DNAJB14: variants seen among roughly 807,000 people sequenced by gnomAD.
DNAJB14 encodes the protein DnaJ heat shock protein family (Hsp40) member B14.
DNAJB14 carries 22 observed loss-of-function variants against 48.4 expected under a neutral mutation model. That is an observed-to-expected ratio of 0.45 (90% CI 0.32 to 0.65). DNAJB14 has a LOEUF of 0.65. Among genes scored for constraint, DNAJB14 ranks in the 30% least tolerant of loss-of-function variants. DNAJB14 has a pLI of 0.03. For missense variants in DNAJB14, 319 were observed against 458.8 expected, an observed-to-expected ratio of 0.70 and a Z score of 2.78; for synonymous variants, 142 against 158.7, an observed-to-expected ratio of 0.89 and a Z score of 0.79.
At position 99,896,749 on chromosome 4, in the gene DNAJB14, A is replaced by G. The variant is rs1406035058; in HGVS notation, c.*4279T>C. On this transcript the variant is annotated 3_prime_UTR_variant, in exon 8 of 8. Coordinates refer to ENST00000442697, the MANE Select transcript of DNAJB14 (RefSeq NM_001031723.4). Reference sequence around the variant, plus strand: ...TTACAATACTCCAATGTCACTGAAAATCTCTATGATTTTAATGGTGTCCTT... The same window carrying G: ...TTACAATACTCCAATGTCACTGAAAGTCTCTATGATTTTAATGGTGTCCTT... The G allele has an allele frequency of 6.6e-6, 1 of 152,116 alleles. No individual in the cohort carries two copies. Among genetic ancestry groups the G allele is most frequent in the Non-Finnish European group, 1.5e-5 (1 of 67,972 alleles). 9.4% of individuals were successfully genotyped at this position (152,116 alleles called of 1,614,324 possible).
Position 99,898,603 on chromosome 4 carries a change from AGG to A in DNAJB14, c.*2423_*2424del, listed in dbSNP as rs1267400062. On this transcript the variant is annotated 3_prime_UTR_variant, in exon 8 of 8. Coordinates refer to ENST00000442697, the MANE Select transcript of DNAJB14 (RefSeq NM_001031723.4). ...TGGGTGTATTTGTGTTTACACAAAA[AGG>A]GGTAAAAATGTAAAGCATTAATAAA... The A allele has an allele frequency of 1.3e-5, 2 of 151,936 alleles. No individual in the cohort carries two copies. Among genetic ancestry groups the A allele is most frequent in the Non-Finnish European group, 2.9e-5 (2 of 67,816 alleles). 9.4% of individuals were successfully genotyped at this position (151,936 alleles called of 1,614,324 possible). A position where few individuals can be genotyped will look rare whatever the true frequency, so the allele number is the denominator to read the frequency against.
Position 99,933,174 on chromosome 4 carries a change from G to A in DNAJB14, c.134-2553C>T, listed in dbSNP as rs1023074600. Among the ~76,000 whole-genome samples the A allele has an allele frequency of 1.1e-4, 16 of 151,088 alleles. No individual in the cohort carries two copies. In the South Asian group the frequency reaches 2.5e-3, roughly 24 times the overall value. On this transcript the variant is annotated intron_variant, in intron 1 of 7. Coordinates refer to ENST00000442697, the MANE Select transcript of DNAJB14 (RefSeq NM_001031723.4). ...TGTGAATTATGTCTCAATAAAGCAT[G>A]TATATATATATACACACACTCTCAA...
rs576044081 is a variant in DNAJB14 at position 99,923,834 on chromosome 4, C to T, written c.306-649G>A. On this transcript the variant is annotated intron_variant, in intron 2 of 7. Coordinates refer to ENST00000442697, the MANE Select transcript of DNAJB14 (RefSeq NM_001031723.4). ...GATTATAGGCATAAACCACTGCACC[C>T]GGCCATCCCCGTTATGCCAAAGATA... The T allele has an allele frequency of 2.2e-5, 22 of 984,366 alleles. 1 individual carries two copies. In the South Asian group the frequency reaches 2.8e-4, roughly 13 times the overall value. The allele number at this position is 984,366 out of a possible 1,614,324, so 61.0% of individuals were successfully genotyped here. A position where few individuals can be genotyped will look rare whatever the true frequency, so the allele number is the denominator to read the frequency against.
At chr4:99,933,973 A>C (rs1321441728) in intron 1 of DNAJB14, among the ~76,000 whole-genome samples, 1 of 152,184 alleles carries the variant, frequency 6.6e-6, no homozygotes, top group East Asian at 1.9e-4. Flanking sequence ...TGTAAAAAGG[A>C]ATGAGTTTTG....
At position 99,946,539 on chromosome 4, in the gene DNAJB14, A is replaced by G. The variant is rs1435929735; in HGVS notation, c.33T>C (p.Cys11=). Residue 11 remains cysteine (C), a synonymous_variant, in exon 1 of 8, where the codon TGT becomes TGC. Coordinates refer to ENST00000442697, the MANE Select transcript of DNAJB14 (RefSeq NM_001031723.4). The stretch of plus-strand genomic sequence containing the variant: ...TCAGGGCCTCCCGGGCGATCTCGAC[A>G]CATTTCTCAGCCTCATCCCTGTTCC... MEGNRDEAEK[C]VEIAREALNA... The G allele has an allele frequency of 6.2e-7, 1 of 1,613,772 alleles. No homozygotes were observed. Among genetic ancestry groups the G allele is most frequent in the Non-Finnish European group, 8.5e-7 (1 of 1,179,758 alleles).
intron 3 of DNAJB14, among the ~76,000 whole-genome samples, chr4:99,921,391 CG>C (rs1489227841): frequency 6.6e-6 from 1 of 152,152 alleles, no homozygotes; most frequent in Non-Finnish European, 1.5e-5. Context: ...GAGTGTCTAG[CG>C]GGCTTCCTTA....
rs115945915 is a variant in DNAJB14 at position 99,910,969 on chromosome 4, T to C, written c.452-2073A>G. On this transcript the variant is annotated intron_variant, in intron 3 of 7. Transcript: ENST00000442697. ...GATATTGACACTGATATAGTCAGGA[T>C]ATAGAACATTTCTAACACCACTCTC... is the stretch of plus-strand genomic sequence containing the variant. Among the ~76,000 whole-genome samples the C allele has an allele frequency of 2.0e-3, 302 of 152,188 alleles. 1 individual carries two copies. Among genetic ancestry groups the C allele is most frequent in the African/African-American group, 7.1e-3 (294 of 41,560 alleles).
intron 7 of DNAJB14, among the ~76,000 whole-genome samples, chr4:99,902,626 A>G (rs1027764949): frequency 6.6e-6 from 1 of 150,838 alleles, no homozygotes; most frequent in Non-Finnish European, 1.5e-5. Flanking sequence ...GGAGATGATG[A>G]TAATTGCTGA....
intron 3 of DNAJB14, among the ~76,000 whole-genome samples, chr4:99,909,310 G>A (rs1463345344): frequency 6.6e-6 from 1 of 151,964 alleles, no homozygotes; most frequent in African/African-American, 2.4e-5. Context: ...ACAAATGAGG[G>A]CCCTGAAATT....
chr4:99,923,424 T>C (rs1726132421), intron 2 of DNAJB14, among the ~76,000 whole-genome samples: 1 of 152,128 alleles, frequency 6.6e-6, no homozygotes, highest in Admixed American at 6.6e-5. Flanking sequence ...CTTAGTGTAA[T>C]GTATCACAAC....
rs1002795808 is a variant in DNAJB14, at chr4:99,899,188, T to C, written c.*1840A>G. 1 of 151,876 alleles carries C rather than the reference T, an allele frequency of 6.6e-6. No homozygotes were observed. The highest frequency in any genetic ancestry group is 6.6e-5 in the Admixed American group (1 of 15,242). The allele number at this position is 151,876 out of a possible 1,614,324, so 9.4% of individuals were successfully genotyped here. ...AAGAATCAGTCAACAAGAAGGTAAG[T>C]TCACAGAATTATCAGCCATAATAGT... On this transcript the variant is annotated 3_prime_UTR_variant, in exon 8 of 8. Coordinates refer to ENST00000442697, the MANE Select transcript of DNAJB14 (RefSeq NM_001031723.4).
chr4:99,908,934 T>C lies in DNAJB14; in HGVS notation c.452-38A>G, dbSNP rs766751831. The C allele has an allele frequency of 3.5e-6, 5 of 1,426,480 alleles. No individual in the cohort carries two copies. The African/African-American group carries it at 7.3e-5, about 21-fold the overall frequency. The allele number at this position is 1,426,480 out of a possible 1,614,324, so 88.4% of individuals were successfully genotyped here. A position where few individuals can be genotyped will look rare whatever the true frequency, so the allele number is the denominator to read the frequency against. On this transcript the variant is annotated intron_variant, in intron 3 of 7. Transcript: ENST00000442697. The stretch of plus-strand genomic sequence containing the variant: ...TGAGTAAAAGTTGGTAAGCAAAGTT[T>C]TTATATTATAAAAGGCTGCCCCACA...
intron 6 of DNAJB14, among the ~76,000 whole-genome samples, chr4:99,904,189 C>T (rs1725389249): frequency 1.3e-5 from 2 of 152,120 alleles, no homozygotes; most frequent in African/African-American, 2.4e-5. Flanking sequence ...AGTTGTTTGT[C>T]GTTGCTATTG....
intron 2 of DNAJB14, chr4:99,926,255 A>C (rs1726249305): frequency 6.6e-6 from 1 of 152,174 alleles, no homozygotes; most frequent in Non-Finnish European, 1.5e-5. Context: ...TCTAGATCAC[A>C]GATTCTTTGA....
rs59597113 is a variant in DNAJB14, at chr4:99,938,097, C to CAAAAAAA, written c.134-7483_134-7477dup. On this transcript the variant is annotated intron_variant, in intron 1 of 7. Coordinates refer to ENST00000442697, the MANE Select transcript of DNAJB14 (RefSeq NM_001031723.4). ...ACATGGCGAAACCATGTTAAAAATACAAAAAAAAAAAAAAAAAAAAAAAAA... is the reference window on the plus strand; with the variant it reads ...ACATGGCGAAACCATGTTAAAAATACAAAAAAAAAAAAAAAAAAAAAAAAAAAAAAAA... Among the ~76,000 whole-genome samples, 14 of 40,978 alleles carry CAAAAAAA rather than the reference C, an allele frequency of 3.4e-4. 1 individual carries two copies. Among genetic ancestry groups the CAAAAAAA allele is most frequent in the Non-Finnish European group, 3.8e-4 (8 of 20,842 alleles). 26.9% of individuals were successfully genotyped at this position (40,978 alleles called of 152,430 possible).
rs925791807 is a variant in DNAJB14, at chr4:99,898,004, A to C, written c.*3024T>G. ...TAATGAAATACATAGGAATCCATTA[A>C]GTAACATTAGCATGTCATGTGTTAA... On this transcript the variant is annotated 3_prime_UTR_variant, in exon 8 of 8. Transcript: ENST00000442697. 1.3e-5 allele frequency: 2 copies of C among 152,058 alleles called. No homozygotes were observed. Among genetic ancestry groups the C allele is most frequent in the Non-Finnish European group, 2.9e-5 (2 of 67,888 alleles). 9.4% of individuals were successfully genotyped at this position (152,058 alleles called of 1,614,324 possible).
intron 3 of DNAJB14, among the ~76,000 whole-genome samples, chr4:99,909,560 T>C (rs956641337): frequency 3.9e-5 from 6 of 152,020 alleles, no homozygotes; most frequent in Non-Finnish European, 8.8e-5. Context: ...AATTAGTTTT[T>C]AAATAAATAC....
chr4:99,940,785 G>A (rs376803426), intron 1 of DNAJB14, among the ~76,000 whole-genome samples: 2 of 150,208 alleles, frequency 1.3e-5, no homozygotes, highest in African/African-American at 4.9e-5. Context: ...TTCTTCAATT[G>A]TTGACATATT....
intron 1 of DNAJB14, among the ~76,000 whole-genome samples, chr4:99,944,803 C>G (rs1171260054): frequency 4.6e-5 from 7 of 152,052 alleles, no homozygotes; most frequent in Admixed American, 2.0e-4. Flanking sequence ...TCTCGAACTC[C>G]TCACCTCAAA....
Sources: allele counts gnomAD v4.1 joint callset (sites outside exome capture counted in the v4.1 genomes callset), GRCh38; gene constraint gnomAD v4.1.1; transcripts MANE v1.5; gene names NCBI Gene and HGNC (gene_info 2026-07-23, HGNC 2026-07-21).